Variants in KRR1 observed in about 807,000 individuals in gnomAD.
KRR1 encodes KRR1 small subunit processome component, also known as KRR1 small subunit processome component homolog.
Under a neutral mutation model 50.0 loss-of-function variants are expected in KRR1, and 23 were observed. That is an observed-to-expected ratio of 0.46 (90% CI 0.33 to 0.65). The LOEUF is 0.65. Among genes scored for constraint, KRR1 ranks in the 30% least tolerant of loss-of-function variants. The pLI, the probability that KRR1 is intolerant of heterozygous loss-of-function variation, is 0.02. For synonymous variants in KRR1, 133 were observed against 146.3 expected, an observed-to-expected ratio of 0.91 and a Z score of 0.66; for missense variants, 419 against 442.4, an observed-to-expected ratio of 0.95 and a Z score of 0.47.
rs191069544 is a variant in KRR1 at position 75,511,435 on chromosome 12, G to A, written c.85+78C>T. On this transcript the variant is annotated intron_variant, in intron 1 of 9. Transcript: ENST00000229214. ...GTACAGGCTCCAGGTGGTTTTATAAGTCCACGAGGAACGAAAGAAAAAAAC... is the reference window on the plus strand; with the variant it reads ...GTACAGGCTCCAGGTGGTTTTATAAATCCACGAGGAACGAAAGAAAAAAAC... The A allele has an allele frequency of 1.2e-5, 15 of 1,286,824 alleles. 1 individual carries two copies. Among genetic ancestry groups the A allele is most frequent in the Non-Finnish European group, 1.7e-5 (15 of 883,046 alleles). The allele number at this position is 1,286,824 out of a possible 1,614,324, so 79.7% of individuals were successfully genotyped here.
chr12:75,511,452 GAAA>G (rs1328090338), intron 1 of KRR1, 58 bp downstream of exon 1: 2 of 1,450,628 alleles, frequency 1.4e-6, no homozygotes, highest in Non-Finnish European at 1.9e-6. Flanking sequence ...AGGAACGAAA[GAAA>G]AAAACATCGC....
intron 5 of KRR1, among the ~76,000 whole-genome samples, chr12:75,505,744 C>T (rs1333333848): frequency 6.6e-6 from 1 of 152,070 alleles, no homozygotes; most frequent in Non-Finnish European, 1.5e-5. Flanking sequence ...AGCACAACCT[C>T]ACAAGCCAGA....
At chr12:75,507,707 CACAA>C (rs1255681903) in intron 2 of KRR1, among the ~76,000 whole-genome samples, 4 of 152,162 alleles carry the variant, frequency 2.6e-5, no homozygotes, top group South Asian at 2.1e-4. Flanking sequence ...TACACACACA[CACAA>C]ACAAAGCCAA....
At position 75,494,660 on chromosome 12, in the gene KRR1, G is replaced by T. The variant is rs1431516796; in HGVS notation, c.*5149C>A. ...ATAGGCCTCACCAGACTGCCAAAGG[G>T]TACGATTACACAAAAAAGTTTAGAA... On this transcript the variant is annotated 3_prime_UTR_variant, in exon 10 of 10. Transcript: ENST00000229214. 6.6e-6 allele frequency: 1 copy of T among 152,080 alleles called. No homozygotes were observed. The highest frequency in any genetic ancestry group is 1.5e-5 in the Non-Finnish European group (1 of 68,022). The allele number at this position is 152,080 out of a possible 1,614,324, so 9.4% of individuals were successfully genotyped here.
In KRR1 at chr12:75,491,904, T is replaced by A. The variant is rs1435579968; in HGVS notation, c.*7905A>T. 2 of 152,138 alleles carry A rather than the reference T, an allele frequency of 1.3e-5. No individual in the cohort carries two copies. The highest frequency in any genetic ancestry group is 4.8e-5 in the African/African-American group (2 of 41,424). The allele number at this position is 152,138 out of a possible 1,614,324, so 9.4% of individuals were successfully genotyped here. A position where few individuals can be genotyped will look rare whatever the true frequency, so the allele number is the denominator to read the frequency against. On this transcript the variant is annotated 3_prime_UTR_variant, in exon 10 of 10. Transcript: ENST00000229214. ...GGAGATTGGCTGAAAGAAAGCCATTTCCCTGGTGTAATGTGCAGAAGACAT... is the reference window on the plus strand; with the variant it reads ...GGAGATTGGCTGAAAGAAAGCCATTACCCTGGTGTAATGTGCAGAAGACAT...
In KRR1 at chr12:75,492,871, T is replaced by G. The variant is rs909504106; in HGVS notation, c.*6938A>C. ...TATGGGGCAATTAAGGAACTATAAA[T>G]AATACTGTAATAGAAACTATCAATA... On this transcript the variant is annotated 3_prime_UTR_variant, in exon 10 of 10. Transcript: ENST00000229214. 6.6e-6 allele frequency: 1 copy of G among 152,162 alleles called. No individual in the cohort carries two copies. Among genetic ancestry groups the G allele is most frequent in the African/African-American group, 2.4e-5 (1 of 41,452 alleles). 9.4% of individuals were successfully genotyped at this position (152,162 alleles called of 1,614,324 possible).
chr12:75,509,416 C>G (rs1260074214), intron 1 of KRR1, among the ~76,000 whole-genome samples: 1 of 152,056 alleles, frequency 6.6e-6, no homozygotes, highest in Non-Finnish European at 1.5e-5. Flanking sequence ...ACGTCATTAC[C>G]CTATGTTAGC....
At chr12:75,503,364 A>T (rs1168244099) in intron 7 of KRR1, 2 of 152,094 alleles carry the variant, frequency 1.3e-5, no homozygotes, top group African/African-American at 4.8e-5. Flanking sequence ...AAGTTTTTAG[A>T]CTGATCCAAG....
Position 75,499,710 on chromosome 12 carries a change from AAG to A in KRR1, c.*97_*98del. 1 of 791,694 alleles carries A rather than the reference AAG, an allele frequency of 1.3e-6. No homozygotes were observed. The highest frequency in any genetic ancestry group is 1.9e-6 in the Non-Finnish European group (1 of 525,960). 49.0% of individuals were successfully genotyped at this position (791,694 alleles called of 1,614,324 possible). A position where few individuals can be genotyped will look rare whatever the true frequency, so the allele number is the denominator to read the frequency against. On this transcript the variant is annotated 3_prime_UTR_variant, in exon 10 of 10. Transcript: ENST00000229214. The stretch of plus-strand genomic sequence containing the variant: ...CAACCACCACCACCAAAAAAAAAAA[AAG>A]CCCTCAGAAAATTTCTCACAAATAA...
At chr12:75,501,498 A>G (rs2046393751) in intron 9 of KRR1, 2 of 481,820 alleles carry the variant, frequency 4.2e-6, no homozygotes, top group East Asian at 3.5e-5. Flanking sequence ...AGCACAGACC[A>G]GAGGTCAGGA....
chr12:75,507,003 TTC>T, intron 2 of KRR1, 87 bp from the exon 3 acceptor site: 3 of 1,097,400 alleles, frequency 2.7e-6, no homozygotes, highest in Non-Finnish European at 3.8e-6. Context: ...ACCTATTAAT[TTC>T]TGTCACCTCT....
chr12:75,505,597 T>C (rs2046418437), intron 5 of KRR1, among the ~76,000 whole-genome samples: 1 of 152,036 alleles, frequency 6.6e-6, no homozygotes, highest in Non-Finnish European at 1.5e-5. Context: ...ATTTGTAATA[T>C]AAGATAAAAC....
In KRR1 at chr12:75,497,098, A is replaced by G. The variant is rs2046356187; in HGVS notation, c.*2711T>C. On this transcript the variant is annotated 3_prime_UTR_variant, in exon 10 of 10. Transcript: ENST00000229214. ...CATAAGGGCTAAAACTATGGATTTC[A>G]GAACCAGTATGCCAAGTTTTGGTGC... The G allele has an allele frequency of 6.6e-6, 1 of 152,236 alleles. No individual in the cohort carries two copies. The highest frequency in any genetic ancestry group is 2.4e-5 in the African/African-American group (1 of 41,468). The allele number at this position is 152,236 out of a possible 1,614,324, so 9.4% of individuals were successfully genotyped here.
At chr12:75,509,830 C>A (rs2046438826) in intron 1 of KRR1, among the ~76,000 whole-genome samples, 1 of 150,586 alleles carries the variant, frequency 6.6e-6, no homozygotes, top group Non-Finnish European at 1.5e-5. Context: ...CTCAAGCAAT[C>A]CCCCCTCCTC....
chr12:75,496,970 A>G lies in KRR1; in HGVS notation c.*2839T>C, dbSNP rs571669932. 6.6e-6 allele frequency: 1 copy of G among 152,340 alleles called. No individual in the cohort carries two copies. Among genetic ancestry groups the G allele is most frequent in the South Asian group, 2.1e-4 (1 of 4,828 alleles). The allele number at this position is 152,340 out of a possible 1,614,324, so 9.4% of individuals were successfully genotyped here. A position where few individuals can be genotyped will look rare whatever the true frequency, so the allele number is the denominator to read the frequency against. The stretch of plus-strand genomic sequence containing the variant: ...TGAAGAAAAGTAACATGTAGCCACA[A>G]TGCAGATAATATCAAGGTATCAATG... On this transcript the variant is annotated 3_prime_UTR_variant, in exon 10 of 10. Coordinates refer to ENST00000229214, the MANE Select transcript of KRR1 (RefSeq NM_007043.7).
intron 1 of KRR1, 96 bp from the exon 2 acceptor site, chr12:75,508,542 T>A (rs766750649): frequency 2.5e-6 from 2 of 795,608 alleles, no homozygotes; most frequent in Non-Finnish European, 3.9e-6. Flanking sequence ...ATGAACATCC[T>A]ATGCACATAT....
rs1273149295 is a variant in KRR1, at chr12:75,494,067, T to A, written c.*5742A>T. 6.6e-6 allele frequency: 1 copy of A among 152,226 alleles called. No individual in the cohort carries two copies. The highest frequency in any genetic ancestry group is 1.5e-5 in the Non-Finnish European group (1 of 68,042). 9.4% of individuals were successfully genotyped at this position (152,226 alleles called of 1,614,324 possible). On this transcript the variant is annotated 3_prime_UTR_variant, in exon 10 of 10. Coordinates refer to ENST00000229214, the MANE Select transcript of KRR1 (RefSeq NM_007043.7). ...ATTGCTATCAGAATTTCTACTATATTACCTTTTTTCCATGGTGTAGAGTAA... is the reference window on the plus strand; with the variant it reads ...ATTGCTATCAGAATTTCTACTATATAACCTTTTTTCCATGGTGTAGAGTAA...
rs1303265054 is a variant in KRR1 at position 75,497,501 on chromosome 12, T to C, written c.*2308A>G. 4 of 152,240 alleles carry C rather than the reference T, an allele frequency of 2.6e-5. No homozygotes were observed. The highest frequency in any genetic ancestry group is 9.6e-5 in the African/African-American group (4 of 41,466). The allele number at this position is 152,240 out of a possible 1,614,324, so 9.4% of individuals were successfully genotyped here. ...TTTCCTATTCTCAGAGCTAGATTTA[T>C]GTAATTTGTTTTCATGTAAGTTTAG... On this transcript the variant is annotated 3_prime_UTR_variant, in exon 10 of 10. Transcript: ENST00000229214.
rs1452026554 is a variant in KRR1 at position 75,498,703 on chromosome 12, A to AGC, written c.*1104_*1105dup. On this transcript the variant is annotated 3_prime_UTR_variant, in exon 10 of 10. Coordinates refer to ENST00000229214, the MANE Select transcript of KRR1 (RefSeq NM_007043.7). ...CCCCCTAACTTTACAGTTAACCGAC[A>AGC]GCGAGACCAAGTCAAACGTACGTAC... The AGC allele has an allele frequency of 2.5e-6, 4 of 1,612,830 alleles. No homozygotes were observed. In the South Asian group the frequency reaches 4.4e-5, roughly 18 times the overall value.
Sources: allele counts gnomAD v4.1 joint callset (sites outside exome capture counted in the v4.1 genomes callset), GRCh38; gene constraint gnomAD v4.1.1; transcripts MANE v1.5; gene names NCBI Gene and HGNC (gene_info 2026-07-23, HGNC 2026-07-21).